WDFY3: variants seen among roughly 807,000 people sequenced by gnomAD.
WDFY3 encodes the protein WD repeat and FYVE domain containing 3.
In WDFY3, 66 loss-of-function variants were observed where a neutral mutation model predicts 409.6. The observed-to-expected ratio is 0.16, with a 90% confidence interval of 0.13 to 0.20. The LOEUF (loss-of-function observed/expected upper bound fraction) is 0.20. WDFY3 is among the 10% of genes least tolerant of loss of function. The pLI is 1.00. For synonymous variants in WDFY3, 1,521 were observed against 1,537.1 expected (o/e 0.99, Z 0.25); for missense variants, 3,031 against 4,298.1 (o/e 0.71, Z 8.24).
intron 1 of WDFY3, among the ~76,000 whole-genome samples, chr4:84,963,840 A>C (rs1775255174): frequency 6.6e-6 from 1 of 152,164 alleles, no homozygotes; most frequent in African/African-American, 2.4e-5. Flanking sequence ...CTATTTCCCC[A>C]TCTGTAAAAT....
intron 62 of WDFY3, among the ~76,000 whole-genome samples, chr4:84,684,674 G>A (rs937467843): frequency 1.3e-5 from 2 of 152,092 alleles, no homozygotes; most frequent in Non-Finnish European, 2.9e-5. Flanking sequence ...AAATAGGGGT[G>A]GGGGAATGTG....
rs191318696 is a variant in WDFY3 at position 84,962,799 on chromosome 4, G to A, written c.-226+3410C>T. Among the ~76,000 whole-genome samples the A allele has an allele frequency of 5.6e-4, 85 of 150,692 alleles. 1 individual carries two copies. The highest frequency in any genetic ancestry group is 3.2e-3 in the Admixed American group (48 of 15,080). ...AGCGATTCTCCTGCCTCAGCCTCCC[G>A]AGCATCTGGGACTACAGGTGCACAC... On this transcript the variant is annotated intron_variant, in intron 1 of 67. Transcript: ENST00000295888.
intron 5 of WDFY3, among the ~76,000 whole-genome samples, chr4:84,843,071 G>C (rs1259506287): frequency 2.6e-5 from 4 of 152,034 alleles, no homozygotes; most frequent in African/African-American, 9.7e-5. Context: ...AGTACTTGTG[G>C]GTTTAACTCA....
chr4:84,716,960 C>A lies in WDFY3; in HGVS notation c.7811G>T (p.Arg2604Ile). The A allele has an allele frequency of 6.2e-7, 1 of 1,609,278 alleles. No individual in the cohort carries two copies. The highest frequency in any genetic ancestry group is 8.5e-7 in the Non-Finnish European group (1 of 1,177,450). Residue 2604 changes from arginine to isoleucine, a missense_variant, in exon 49 of 68, where the codon AGA becomes ATA. Arg to Ile is a moderately conservative substitution (Grantham distance 97). Transcript: ENST00000295888. Reference sequence around the variant, plus strand: ...TTCATATGCAAAAATGCTGCATGTTCTCTTGAGTTGACTAGGGCCTTGCCT... The same window carrying A: ...TTCATATGCAAAAATGCTGCATGTTATCTTGAGTTGACTAGGGCCTTGCCT... Reference protein sequence around the residue: ...GARQGPSQLKRTCSIFAYEDI... With the variant: ...GARQGPSQLKITCSIFAYEDI...
At chr4:84,760,284 G>A (rs1413548088) in intron 32 of WDFY3, among the ~76,000 whole-genome samples, 1 of 152,002 alleles carries the variant, frequency 6.6e-6, no homozygotes, top group African/African-American at 2.4e-5. Flanking sequence ...TTGTGTCTCT[G>A]CCCGGCTTTG....
At chr4:84,830,748 A>G (rs1386326162) in intron 8 of WDFY3, among the ~76,000 whole-genome samples, 2 of 152,226 alleles carry the variant, frequency 1.3e-5, no homozygotes, top group African/African-American at 2.4e-5. Flanking sequence ...AACTTATGCA[A>G]TATCTTCAGA....
At chr4:84,799,232 C>T (rs1047926296) in intron 17 of WDFY3, among the ~76,000 whole-genome samples, 2 of 152,034 alleles carry the variant, frequency 1.3e-5, no homozygotes, top group Non-Finnish European at 2.9e-5. Flanking sequence ...TCATAGCTCA[C>T]TGCAATCTCA....
intron 29 of WDFY3, among the ~76,000 whole-genome samples, chr4:84,773,213 C>T (rs1578450887): frequency 6.6e-6 from 1 of 151,992 alleles, no homozygotes; most frequent in East Asian, 1.9e-4. Flanking sequence ...CTTAACTAGC[C>T]TTTTAAGGAC....
intron 3 of WDFY3, among the ~76,000 whole-genome samples, chr4:84,885,613 C>G (rs183134484): frequency 6.6e-6 from 1 of 151,704 alleles, no homozygotes; most frequent in Non-Finnish European, 1.5e-5. Context: ...GGAAAAAAGG[C>G]GAAAAATATG....
intron 36 of WDFY3, 35 bp downstream of exon 36, chr4:84,751,448 G>A: frequency 1.3e-6 from 2 of 1,598,884 alleles, no homozygotes; most frequent in South Asian, 2.2e-5. Flanking sequence ...AAAAAGTAAT[G>A]CAAAAGAGAT....
intron 18 of WDFY3, 74 bp from the exon 19 acceptor site, chr4:84,796,826 G>T: frequency 8.1e-7 from 1 of 1,233,600 alleles, no homozygotes. Flanking sequence ...TGATTTATTT[G>T]TAAATACCAC....
intron 2 of WDFY3, among the ~76,000 whole-genome samples, chr4:84,916,433 T>A (rs532567419): frequency 3.9e-5 from 6 of 152,338 alleles, no homozygotes; most frequent in African/African-American, 1.4e-4. Context: ...AATCATTAGA[T>A]GAAGAATTCA....
chr4:84,795,299 C>T (rs1256359028), intron 19 of WDFY3, among the ~76,000 whole-genome samples: 2 of 152,130 alleles, frequency 1.3e-5, no homozygotes, highest in Non-Finnish European at 2.9e-5. Context: ...AGGAAAACTC[C>T]CATGTGCCCC....
rs112014329 is a variant in WDFY3, at chr4:84,963,127, CA to C, written c.-226+3081del. Among the ~76,000 whole-genome samples the C allele has an allele frequency of 2.5e-3, 330 of 130,704 alleles. 1 individual carries two copies. The highest frequency in any genetic ancestry group is 7.0e-3 in the African/African-American group (243 of 34,680). 85.7% of individuals were successfully genotyped at this position (130,704 alleles called of 152,430 possible). ...ATGTAAAAACAAACAAACAAAAAAA[CA>C]AAAAAAAAAAAACGGCCTGGCACGG... On this transcript the variant is annotated intron_variant, in intron 1 of 67. Coordinates refer to ENST00000295888, the MANE Select transcript of WDFY3 (RefSeq NM_014991.6).
At position 84,695,988 on chromosome 4, in the gene WDFY3, G is replaced by A. The variant is rs143808972; in HGVS notation, c.8883C>T (p.Phe2961=). 4.1e-4 allele frequency: 664 copies of A among 1,614,098 alleles called. 1 individual carries two copies. The highest frequency in any genetic ancestry group is 3.8e-3 in the Middle Eastern group (23 of 6,062). The part of the protein sequence containing the change: ...ETATIGFINN[F]GQIPKQLFKK... ...TCCATACCTGTTTAGGGATCTGACC[G>A]AAGTTATTAATGAACCCAATTGTGG... Residue 2961 remains phenylalanine, a synonymous_variant, in exon 58 of 68, where the codon TTC becomes TTT. Coordinates refer to ENST00000295888, the MANE Select transcript of WDFY3 (RefSeq NM_014991.6).
chr4:84,948,216 A>G (rs991607389), intron 1 of WDFY3, among the ~76,000 whole-genome samples: 7 of 152,220 alleles, frequency 4.6e-5, no homozygotes, highest in African/African-American at 1.7e-4. Flanking sequence ...AAAGTGTGAC[A>G]TGAGAACCCT....
Position 84,801,675 on chromosome 4 carries a change from G to C in WDFY3, c.2797C>G (p.Gln933Glu). The C allele has an allele frequency of 6.2e-7, 1 of 1,611,610 alleles. No homozygotes were observed. Among genetic ancestry groups the C allele is most frequent in the Non-Finnish European group, 8.5e-7 (1 of 1,179,328 alleles). ...CTCAACACCATGGGTTCCAGAGCCT[G>C]AGAGGCTAATCGTTCAAACATCCGC... ...LQRMFERLAS[Q>E]ALEPMVLREF... Residue 933 changes from glutamine to glutamate, a missense_variant, in exon 17 of 68, where the codon CAG becomes GAG. Coordinates refer to ENST00000295888, the MANE Select transcript of WDFY3 (RefSeq NM_014991.6).
chr4:84,673,127 A>G (rs1461727450), intron 67 of WDFY3, 136 bp from the exon 68 acceptor site: 4 of 1,058,386 alleles, frequency 3.8e-6, no homozygotes, highest in Non-Finnish European at 4.0e-6. Context: ...GTGGCTGAAC[A>G]AGGACTAAAA....
chr4:84,836,355 G>A (rs1756571056), intron 7 of WDFY3, among the ~76,000 whole-genome samples: 1 of 151,914 alleles, frequency 6.6e-6, no homozygotes, highest in South Asian at 2.1e-4. Context: ...ACAATTTTCT[G>A]CCAAGAAAGG....
Sources: gnomAD v4.1 joint callset for allele counts (sites outside exome capture counted in the v4.1 genomes callset) on GRCh38, gnomAD v4.1.1 for gene constraint, MANE v1.5 for transcripts, NCBI Gene and HGNC (gene_info 2026-07-23, HGNC 2026-07-21) for gene names.